Variants in ECE1 observed in about 807,000 individuals in gnomAD.
The protein encoded by ECE1 is endothelin converting enzyme 1.
A neutral mutation model predicts 98.6 loss-of-function variants in ECE1; 35 were observed. That is an observed-to-expected ratio of 0.35 (90% CI 0.27 to 0.47). ECE1 has a LOEUF of 0.47. ECE1 is among the 20% of genes least tolerant of loss of function. The pLI, the probability that ECE1 is intolerant of heterozygous loss-of-function variation, is 1.00. For synonymous variants in ECE1, 394 were observed against 407.1 expected (o/e 0.97, Z 0.39); for missense variants, 814 against 1,025.3 (o/e 0.79, Z 2.81).
chr1:21,320,429 T>A (rs213021), intron 1 of ECE1, among the ~76,000 whole-genome samples: 17,037 of 90,658 alleles, frequency 0.19, 1,217 homozygotes, highest in East Asian at 0.38. Flanking sequence ...TTAAAAAAAA[T>A]TTAATACTGT....
chr1:21,342,593 CAG>C (rs1639420826), intron 1 of ECE1, among the ~76,000 whole-genome samples: 1 of 138,544 alleles, frequency 7.2e-6, no homozygotes. Flanking sequence ...CACAGACACA[CAG>C]ACACACACAG....
rs141632856 is a variant in ECE1, at chr1:21,220,796, C to T, written c.2137-665G>A. Among the ~76,000 whole-genome samples the T allele has an allele frequency of 5.8e-3, 886 of 151,746 alleles. 9 individuals carry two copies. Among genetic ancestry groups the T allele is most frequent in the African/African-American group, 0.02 (844 of 41,366 alleles). On this transcript the variant is annotated intron_variant, in intron 18 of 18. Coordinates refer to ENST00000374893, the MANE Select transcript of ECE1 (RefSeq NM_001397.3). The surrounding 1 kb of genome is among the most constrained non-coding windows in gnomAD (Gnocchi z 5.0). ...GGGTGACTGAGGGAGACTCCGGCTC[C>T]AAAAAAACAAAACCCAGAAAATACA...
Position 21,256,032 on chromosome 1 carries a change from G to A in ECE1, c.935C>T (p.Thr312Met), listed in dbSNP as rs867547949. 1.4e-5 allele frequency: 22 copies of A among 1,613,610 alleles called. No homozygotes were observed. Among genetic ancestry groups the A allele is most frequent in the East Asian group, 2.2e-5 (1 of 44,886 alleles). The change falls in exon 8 of 19, where the codon ACG (threonine) becomes ATG (methionine). Residue 312 changes from threonine (T) to methionine (M), a missense_variant. Physicochemically the swap from Thr to Met is moderately conservative, Grantham distance 81. Around this residue, in one of 3 missense-constraint regions of ECE1, gnomAD observed 105 missense variants for 179.1 expected, o/e 0.59. Coordinates refer to ENST00000374893, the MANE Select transcript of ECE1 (RefSeq NM_001397.3). ...TGGGATGGTGATGTTGGCCAGTGCC[G>A]TCTCAAAGTCCAAGATCTGCTGCAT... ...PQMQQILDFE[T>M]ALANITIPQE...
Position 21,269,324 on chromosome 1 carries a change from T to C in ECE1, c.493+3375A>G, listed in dbSNP as rs574073253. ...CCATGAGTTTACTATGAGAATTCAA[T>C]GAAATAATACAAGTGAGATGCTCAG... On this transcript the variant is annotated intron_variant, in intron 4 of 18. Transcript: ENST00000374893. Among the ~76,000 whole-genome samples, 278 of 152,314 alleles carry C rather than the reference T, an allele frequency of 1.8e-3. 2 individuals carry two copies. The highest frequency in any genetic ancestry group is 6.4e-3 in the African/African-American group (265 of 41,564).
intron 5 of ECE1, among the ~76,000 whole-genome samples, chr1:21,259,418 T>C (rs910919994): frequency 1.3e-5 from 2 of 152,160 alleles, no homozygotes; most frequent in Admixed American, 6.5e-5. Flanking sequence ...CAGGTGTGTA[T>C]CACCACACCT....
chr1:21,255,203 A>T (rs1397480702), intron 8 of ECE1, among the ~76,000 whole-genome samples: 1 of 151,966 alleles, frequency 6.6e-6, no homozygotes, highest in African/African-American at 2.4e-5. Context: ...GGGAGATGAC[A>T]CTCTGCGGGA....
rs2098164404 is a variant in ECE1 at position 21,219,226 on chromosome 1, G to C, written c.*729C>G. On this transcript the variant is annotated 3_prime_UTR_variant, in exon 19 of 19. Coordinates refer to ENST00000374893, the MANE Select transcript of ECE1 (RefSeq NM_001397.3). This position sits in a 1 kb window ranked among gnomAD's most constrained non-coding sequence, Gnocchi z 4.5. ...GCTAGGGCTCCCACTGTTGGACTCA[G>C]GGGACGGAGGCAGGCTAGCTGAAGG... 6.6e-6 allele frequency: 1 copy of C among 152,526 alleles called. No homozygotes were observed. The highest frequency in any genetic ancestry group is 2.4e-5 in the African/African-American group (1 of 41,462). 9.4% of individuals were successfully genotyped at this position (152,526 alleles called of 1,614,324 possible).
At chr1:21,267,174 TG>T (rs762051593) in intron 4 of ECE1, 1 of 152,314 alleles carries the variant, frequency 6.6e-6, no homozygotes, top group African/African-American at 2.4e-5. Flanking sequence ...TAACAGACAC[TG>T]AACAAGCCCG....
Position 21,258,967 on chromosome 1 carries a change from CA to C in ECE1, c.616-129del, listed in dbSNP as rs774878467. 2.2e-5 allele frequency: 29 copies of C among 1,334,018 alleles called. No homozygotes were observed. The highest frequency in any genetic ancestry group is 2.9e-5 in the Non-Finnish European group (28 of 969,926). The allele number at this position is 1,334,018 out of a possible 1,614,324, so 82.6% of individuals were successfully genotyped here. ...GCCTGACCTCTCTGAGCCTCAAGAG[CA>C]AAGGAAAGGATTGGTCTTCATCGGG... is the stretch of plus-strand genomic sequence containing the variant. On this transcript the variant is annotated intron_variant, in intron 5 of 18. Coordinates refer to ENST00000374893, the MANE Select transcript of ECE1 (RefSeq NM_001397.3). The surrounding 1 kb of genome is among the most constrained non-coding windows in gnomAD (Gnocchi z 4.2).
rs200941917 is a variant in ECE1 at position 21,219,945 on chromosome 1, C to T, written c.*10G>A. On this transcript the variant is annotated 3_prime_UTR_variant, in exon 19 of 19. Transcript: ENST00000374893. The surrounding 1 kb of genome is among the most constrained non-coding windows in gnomAD (Gnocchi z 4.5). ...TCCCCTCCTCCGTCTTGGCTCTCTC[C>T]GCTTCGTCCTTACCAGACTTCGCAC... 8.1e-6 allele frequency: 13 copies of T among 1,614,134 alleles called. No individual in the cohort carries two copies. The highest frequency in any genetic ancestry group is 5.5e-5 in the South Asian group (5 of 91,076).
At chr1:21,274,046 A>AG (rs1191942815) in intron 3 of ECE1, among the ~76,000 whole-genome samples, 10 of 152,254 alleles carry the variant, frequency 6.6e-5, no homozygotes, top group African/African-American at 2.4e-4. Flanking sequence ...TGATGACCAA[A>AG]GGGACTTTAC....
At chr1:21,308,863 A>G (rs1358353107) in intron 1 of ECE1, among the ~76,000 whole-genome samples, 1 of 152,126 alleles carries the variant, frequency 6.6e-6, no homozygotes, top group Non-Finnish European at 1.5e-5. Flanking sequence ...TGCTAGGAGC[A>G]GTTTTAAAAC....
chr1:21,245,239 G>A lies in ECE1; in HGVS notation c.1164-136C>T, dbSNP rs1187360491. 4.1e-6 allele frequency: 3 copies of A among 734,400 alleles called. No individual in the cohort carries two copies. The African/African-American group carries it at 5.2e-5, about 13-fold the overall frequency. 45.5% of individuals were successfully genotyped at this position (734,400 alleles called of 1,614,324 possible). On this transcript the variant is annotated intron_variant, in intron 9 of 18. Coordinates refer to ENST00000374893, the MANE Select transcript of ECE1 (RefSeq NM_001397.3). The stretch of plus-strand genomic sequence containing the variant: ...CCCTTCCAGCCTGCGGGGGCTTGGT[G>A]GGTTACTGCTCCCTAAGCACGTGCA...
rs57168698 is a variant in ECE1 at position 21,232,673 on chromosome 1, A to ATT, written c.1670+883_1670+884dup. Among the ~76,000 whole-genome samples, 261 of 136,660 alleles carry ATT rather than the reference A, an allele frequency of 1.9e-3. 2 individuals carry two copies. Among genetic ancestry groups the ATT allele is most frequent in the African/African-American group, 6.0e-3 (223 of 37,380 alleles). The allele number at this position is 136,660 out of a possible 152,430, so 89.7% of individuals were successfully genotyped here. A position where few individuals can be genotyped will look rare whatever the true frequency, so the allele number is the denominator to read the frequency against. On this transcript the variant is annotated intron_variant, in intron 14 of 18. Transcript: ENST00000374893. ...TCCTGATTTAAGGTCAGGAAGCTGTATTTTTTTTTTTTTTTTGAGATGGAG... is the reference window on the plus strand; with the variant it reads ...TCCTGATTTAAGGTCAGGAAGCTGTATTTTTTTTTTTTTTTTTTGAGATGGAG...
At chr1:21,320,525 T>C (rs1219972431) in intron 1 of ECE1, among the ~76,000 whole-genome samples, 4 of 152,244 alleles carry the variant, frequency 2.6e-5, no homozygotes, top group African/African-American at 7.2e-5. Flanking sequence ...TTGGCCAGAC[T>C]GTGCTAAGCA....
chr1:21,263,967 G>A (rs1175694475), intron 4 of ECE1, among the ~76,000 whole-genome samples: 1 of 152,218 alleles, frequency 6.6e-6, no homozygotes, highest in African/African-American at 2.4e-5. Context: ...GCGGGAGGCT[G>A]CTGCAGGGGA....
chr1:21,309,932 C>T (rs1638681387), intron 1 of ECE1, among the ~76,000 whole-genome samples: 1 of 152,132 alleles, frequency 6.6e-6, no homozygotes, highest in African/African-American at 2.4e-5. Context: ...GGTGGGACTA[C>T]AGGCGCCCGC....
chr1:21,317,951 T>C (rs1638867806), intron 1 of ECE1, among the ~76,000 whole-genome samples: 2 of 152,164 alleles, frequency 1.3e-5, no homozygotes, highest in Non-Finnish European at 2.9e-5. Context: ...TGAACTTAAA[T>C]CAGAGCCACC....
At chr1:21,226,577 G>A (rs570389117) in intron 16 of ECE1, among the ~76,000 whole-genome samples, 1 of 152,252 alleles carries the variant, frequency 6.6e-6, no homozygotes, top group Admixed American at 6.5e-5. Context: ...CCTGTACCAG[G>A]CAGTGGTGCA....
Sources: gnomAD v4.1 joint callset for allele counts (sites outside exome capture counted in the v4.1 genomes callset) on GRCh38, gnomAD v4.1.1 for gene constraint, gnomAD v4.1.1 regional missense constraint, Gnocchi (gnomAD v3.1) non-coding constraint, MANE v1.5 for transcripts, NCBI Gene and HGNC (gene_info 2026-07-23, HGNC 2026-07-21) for gene names.